Variants in CFTR observed in about 807,000 individuals in gnomAD.
CFTR encodes the protein cystic fibrosis transmembrane conductance regulator.
Under a neutral mutation model 171.6 loss-of-function variants are expected in CFTR, and 181 were observed. That is an observed-to-expected ratio of 1.05 (90% CI 0.93 to 1.19). The LOEUF (loss-of-function observed/expected upper bound fraction) is 1.19, where lower values mean the gene tolerates loss of function less well. CFTR is among the 50% of genes most tolerant of loss of function. The pLI, the probability that CFTR is intolerant of heterozygous loss-of-function variation, is 0.00. For synonymous variants in CFTR, 583 were observed against 608.0 expected, an observed-to-expected ratio of 0.96 and a Z score of 0.60; for missense variants, 1,968 against 1,734.7, an observed-to-expected ratio of 1.13 and a Z score of -2.39.
intron 10 of CFTR, among the ~76,000 whole-genome samples, chr7:117,553,894 A>G (rs1330126575): frequency 6.6e-6 from 1 of 152,188 alleles, no homozygotes; most frequent in East Asian, 1.9e-4. Flanking sequence ...TCTTCCAAGT[A>G]GCAGGTGAAG....
At chr7:117,583,105 A>C (rs2116004608) in intron 11 of CFTR, among the ~76,000 whole-genome samples, 1 of 152,338 alleles carries the variant, frequency 6.6e-6, no homozygotes, top group African/African-American at 2.4e-5. Context: ...TGTCTTAAAA[A>C]ATTGGTATAA....
At chr7:117,608,060 G>C (rs1792328517) in intron 18 of CFTR, among the ~76,000 whole-genome samples, 1 of 152,132 alleles carries the variant, frequency 6.6e-6, no homozygotes, top group Admixed American at 6.5e-5. Context: ...TTTGCCAATG[G>C]TGCCTCTTGA....
rs184016368 is a variant in CFTR, at chr7:117,535,556, G to A, written c.743+145G>A. On this transcript the variant is annotated intron_variant, in intron 6 of 26. Transcript: ENST00000003084. Reference sequence around the variant, plus strand: ...TTTTTTTTTTTTTTTTTGAGACAGAGTCTAGATCTGTCACCCAGGCTGGAG... The same window carrying A: ...TTTTTTTTTTTTTTTTTGAGACAGAATCTAGATCTGTCACCCAGGCTGGAG... 1,416 of 642,214 alleles carry A rather than the reference G, an allele frequency of 2.2e-3. 18 individuals carry two copies. The African/African-American group carries it at 0.029, about 13-fold the overall frequency. 39.8% of individuals were successfully genotyped at this position (642,214 alleles called of 1,614,324 possible). A position where few individuals can be genotyped will look rare whatever the true frequency, so the allele number is the denominator to read the frequency against.
intron 1 of CFTR, among the ~76,000 whole-genome samples, chr7:117,494,274 G>A (rs187143150): frequency 2.0e-5 from 3 of 152,062 alleles, no homozygotes; most frequent in East Asian, 3.9e-4. Context: ...GGGGAAAGTC[G>A]ATTCAAGGCA....
chr7:117,561,590 A>T lies in CFTR; in HGVS notation c.1584+1935A>T, dbSNP rs991493300. Among the ~76,000 whole-genome samples the T allele has an allele frequency of 4.6e-5, 7 of 152,296 alleles. No homozygotes were observed. In the South Asian group the frequency reaches 6.2e-4, roughly 14 times the overall value. ...ATATAATAGGGTTTTTTGTGCCTAA[A>T]TAAGCTTCTAAAGAAGAATAAGGTA... On this transcript the variant is annotated intron_variant, in intron 11 of 26. Transcript: ENST00000003084.
At chr7:117,626,904 C>A (rs1792659789) in intron 21 of CFTR, among the ~76,000 whole-genome samples, 2 of 151,872 alleles carry the variant, frequency 1.3e-5, no homozygotes, top group Non-Finnish European at 2.9e-5. Context: ...TATTTAATTT[C>A]AAATATAACC....
At chr7:117,646,743 AG>A (rs1793001415) in intron 23 of CFTR, among the ~76,000 whole-genome samples, 2 of 152,112 alleles carry the variant, frequency 1.3e-5, no homozygotes, top group East Asian at 3.9e-4. Context: ...GAGTAATATA[AG>A]GACAGTAGGG....
At chr7:117,509,658 A>G (rs62469435) in intron 3 of CFTR, among the ~76,000 whole-genome samples, 279 of 152,298 alleles carry the variant, frequency 1.8e-3, no homozygotes, top group Non-Finnish European at 3.3e-3. Context: ...GTTCTCTTGC[A>G]ATATATTTTC....
intron 3 of CFTR, among the ~76,000 whole-genome samples, chr7:117,511,730 A>C (rs1206448707): frequency 1.3e-5 from 2 of 152,258 alleles, no homozygotes; most frequent in African/African-American, 4.8e-5. Context: ...AGTTTTAAAT[A>C]GTGAGAAATT....
intron 10 of CFTR, among the ~76,000 whole-genome samples, chr7:117,552,140 C>A (rs1462661938): frequency 6.6e-6 from 1 of 151,290 alleles, no homozygotes; most frequent in African/African-American, 2.4e-5. Context: ...AAATTTTATT[C>A]TTTTTAGAGA....
chr7:117,487,754 A>G (rs1000052559), intron 1 of CFTR: 3 of 152,086 alleles, frequency 2.0e-5, no homozygotes, highest in African/African-American at 7.2e-5. Context: ...AGGCTTAATA[A>G]TTTCAAAAAG....
chr7:117,540,937 T>TCACA (rs557932384), intron 8 of CFTR, among the ~76,000 whole-genome samples: 4 of 151,548 alleles, frequency 2.6e-5, no homozygotes, highest in African/African-American at 7.3e-5. Flanking sequence ...GGGAGATGTC[T>TCACA]CACACACACA....
At chr7:117,511,842 CTCTTA>C in intron 3 of CFTR, among the ~76,000 whole-genome samples, 1 of 152,202 alleles carries the variant, frequency 6.6e-6, no homozygotes, top group East Asian at 1.9e-4. Context: ...TTCTTTTTGT[CTCTTA>C]TAAGAATAAA....
chr7:117,510,854 T>A (rs893097189), intron 3 of CFTR, among the ~76,000 whole-genome samples: 9 of 152,126 alleles, frequency 5.9e-5, no homozygotes, highest in Admixed American at 1.3e-4. Flanking sequence ...TTTATGCAGA[T>A]TATTTTACTT....
intron 15 of CFTR, among the ~76,000 whole-genome samples, chr7:117,598,039 T>C (rs1356195405): frequency 6.6e-6 from 1 of 152,206 alleles, no homozygotes; most frequent in Non-Finnish European, 1.5e-5. Context: ...AGAAGGCAGC[T>C]GTCACTCAGC....
At chr7:117,620,043 T>C (rs2116110077) in intron 21 of CFTR, among the ~76,000 whole-genome samples, 1 of 151,048 alleles carries the variant, frequency 6.6e-6, no homozygotes, top group East Asian at 1.9e-4. Context: ...GTTTTTGCTG[T>C]AAGAATCTGA....
chr7:117,525,366 G>T (rs1179279805), intron 3 of CFTR, among the ~76,000 whole-genome samples: 2 of 137,444 alleles, frequency 1.5e-5, no homozygotes, highest in Non-Finnish European at 3.1e-5. Flanking sequence ...CTGTTGATTT[G>T]GGGTGGAGAG....
chr7:117,521,128 C>T (rs569901032), intron 3 of CFTR, among the ~76,000 whole-genome samples: 1 of 152,052 alleles, frequency 6.6e-6, no homozygotes, highest in South Asian at 2.1e-4. Context: ...ATGGGATACT[C>T]ATTTAATTAG....
At chr7:117,482,331 A>G (rs1240431442) in intron 1 of CFTR, among the ~76,000 whole-genome samples, 1 of 152,174 alleles carries the variant, frequency 6.6e-6, no homozygotes, top group South Asian at 2.1e-4. Context: ...ATTGTATTGA[A>G]TATCTCTTTA....
Sources: allele counts gnomAD v4.1 joint callset (sites outside exome capture counted in the v4.1 genomes callset), GRCh38; gene constraint gnomAD v4.1.1; transcripts MANE v1.5; gene names NCBI Gene and HGNC (gene_info 2026-07-23, HGNC 2026-07-21).